PIGF: variants seen among roughly 807,000 people sequenced by gnomAD.
PIGF encodes phosphatidylinositol glycan anchor biosynthesis class F, also known as GPI ethanolamine phosphate transferase, stabilizing subunit.
PIGF carries 23 observed loss-of-function variants against 26.0 expected under a neutral mutation model. The ratio of observed to expected loss-of-function variants is 0.88; its 90% confidence interval spans 0.64 to 1.25. The LOEUF (loss-of-function observed/expected upper bound fraction) is 1.25, where lower values mean the gene tolerates loss of function less well. Among genes scored for constraint, PIGF ranks in the 50% most tolerant of loss-of-function variants. PIGF has a pLI of 0.00. For missense variants in PIGF, 278 were observed against 249.9 expected (o/e 1.11, Z -0.76); for synonymous variants, 93 against 92.6 (o/e 1.00, Z -0.03).
Position 46,592,003 on chromosome 2 carries a change from T to G in PIGF, c.546+472A>C, listed in dbSNP as rs1303092681. ...TATGAATATAAGACCACAAGGGCAA[T>G]AAATATCAAAGTTGAAAATAGGAAA... On this transcript the variant is annotated intron_variant, in intron 5 of 5. Transcript: ENST00000281382. The G allele has an allele frequency of 3.1e-6, 4 of 1,281,956 alleles. No homozygotes were observed. The Admixed American group carries it at 9.6e-5, about 31-fold the overall frequency. The allele number at this position is 1,281,956 out of a possible 1,614,324, so 79.4% of individuals were successfully genotyped here. A position where few individuals can be genotyped will look rare whatever the true frequency, so the allele number is the denominator to read the frequency against.
chr2:46,612,184 A>G (rs565181869), intron 4 of PIGF, 44 bp downstream of exon 4: 425 of 596,198 alleles, frequency 7.1e-4, no homozygotes, highest in Non-Finnish European at 1.0e-3. Flanking sequence ...TTCATTAATT[A>G]TTTTTTAATT....
chr2:46,584,799 T>G (rs1173484422), intron 5 of PIGF, among the ~76,000 whole-genome samples: 1 of 152,146 alleles, frequency 6.6e-6, no homozygotes, highest in East Asian at 1.9e-4. Flanking sequence ...TTAAGGGCCG[T>G]TTTCATGATT....
At chr2:46,587,566 T>C (rs1165149244) in intron 5 of PIGF, among the ~76,000 whole-genome samples, 2 of 152,210 alleles carry the variant, frequency 1.3e-5, no homozygotes, top group African/African-American at 4.8e-5. Flanking sequence ...GTGTCTAAAA[T>C]TCAAAATCTC....
chr2:46,615,367 A>C, intron 1 of PIGF, 182 bp from the exon 2 acceptor site: 1 of 447,486 alleles, frequency 2.2e-6, no homozygotes, highest in South Asian at 2.6e-5. Flanking sequence ...TCTACCTTTG[A>C]TTTTCTTAAT....
intron 1 of PIGF, 178 bp from the exon 2 acceptor site, chr2:46,615,363 T>C: frequency 2.2e-6 from 1 of 451,336 alleles, no homozygotes; most frequent in Non-Finnish European, 4.0e-6. Flanking sequence ...CTATTCTACC[T>C]TTGATTTTCT....
At chr2:46,615,324 C>G (rs73926525) in intron 1 of PIGF, 139 bp from the exon 2 acceptor site, 2 of 546,156 alleles carry the variant, frequency 3.7e-6, no homozygotes, top group Non-Finnish European at 6.6e-6. Flanking sequence ...AAGATGCAGA[C>G]GTGTAGATGC....
intron 5 of PIGF, chr2:46,591,854 G>GA: frequency 7.7e-7 from 1 of 1,303,054 alleles, no homozygotes; most frequent in Non-Finnish European, 1.0e-6. Flanking sequence ...GATACAAGAC[G>GA]AAAAATCTGA....
At chr2:46,590,975 G>A (rs1159222170) in intron 5 of PIGF, among the ~76,000 whole-genome samples, 1 of 152,174 alleles carries the variant, frequency 6.6e-6, no homozygotes, top group Non-Finnish European at 1.5e-5. Flanking sequence ...TTATGTGCAA[G>A]GCACACAATC....
intron 4 of PIGF, among the ~76,000 whole-genome samples, chr2:46,601,500 G>T (rs138460992): frequency 4.3e-4 from 66 of 152,146 alleles, no homozygotes; most frequent in African/African-American, 1.4e-3. Flanking sequence ...TGTTTAAATA[G>T]ATTTAATTTT....
chr2:46,616,372 C>T (rs1670628192), intron 1 of PIGF: 1 of 152,392 alleles, frequency 6.6e-6, no homozygotes, highest in Non-Finnish European at 1.5e-5. Context: ...AACAGATAGC[C>T]CTTCAGCGAT....
intron 4 of PIGF, among the ~76,000 whole-genome samples, chr2:46,593,664 T>C (rs3768724): frequency 0.18 from 27,235 of 152,032 alleles, 4,143 homozygotes; most frequent in African/African-American, 0.42. Context: ...CTTCATCATG[T>C]AGAACAGGAG....
chr2:46,589,305 C>T lies in PIGF; in HGVS notation c.546+3170G>A, dbSNP rs193074365. Among the ~76,000 whole-genome samples, 1 of 152,082 alleles carries T rather than the reference C, an allele frequency of 6.6e-6. No homozygotes were observed. On this transcript the variant is annotated intron_variant, in intron 5 of 5. Transcript: ENST00000281382. The surrounding 1 kb of genome is among the most constrained non-coding windows in gnomAD (Gnocchi z 4.7). The stretch of plus-strand genomic sequence containing the variant: ...TTAAAAAACTTTTACATTGAGATCA[C>T]ATATTTTCAGTGGGCCTTTCCAGTC...
chr2:46,594,511 G>A (rs1006152812), intron 4 of PIGF, among the ~76,000 whole-genome samples: 1 of 150,676 alleles, frequency 6.6e-6, no homozygotes, highest in African/African-American at 2.5e-5. Context: ...GAGAAATAAG[G>A]CTGGAAAAGT....
intron 4 of PIGF, among the ~76,000 whole-genome samples, chr2:46,602,195 G>C (rs1670081493): frequency 6.6e-6 from 1 of 151,810 alleles, no homozygotes; most frequent in South Asian, 2.1e-4. Flanking sequence ...GTATTCTTTT[G>C]TTTTGTTTTC....
At chr2:46,613,641 T>C (rs1357760847) in intron 3 of PIGF, 53 bp downstream of exon 3, 5 of 1,331,216 alleles carry the variant, frequency 3.8e-6, no homozygotes, top group Admixed American at 6.0e-5. Context: ...AGCACACAGT[T>C]TGGTAAATGA....
intron 1 of PIGF, 171 bp downstream of exon 1, chr2:46,616,799 A>C: frequency 5.2e-6 from 1 of 190,950 alleles, no homozygotes. Flanking sequence ...CAGAGGCGAA[A>C]ACTCGGATCC....
At chr2:46,582,681 C>T (rs1669439213) in intron 5 of PIGF, 1 of 152,532 alleles carries the variant, frequency 6.6e-6, no homozygotes, top group Admixed American at 6.5e-5. Context: ...GAGCTTATAG[C>T]TATGTCTACT....
chr2:46,596,322 C>T (rs2104092189), intron 4 of PIGF, among the ~76,000 whole-genome samples: 1 of 151,974 alleles, frequency 6.6e-6, no homozygotes, highest in African/African-American at 2.4e-5. Flanking sequence ...GGTTCCAGCA[C>T]ACTTGTGGCC....
chr2:46,588,199 T>TG lies in PIGF; in HGVS notation c.546+4275dup. On this transcript the variant is annotated intron_variant, in intron 5 of 5. Coordinates refer to ENST00000281382, the MANE Select transcript of PIGF (RefSeq NM_002643.4). This position sits in a 1 kb window ranked among gnomAD's most constrained non-coding sequence, Gnocchi z 4.1. ...TGTCATCTGAAATGTCAGACAGGAT[T>TG]GAAAATTATGTGAAATCCAAATACC... The TG allele has an allele frequency of 1.9e-6, 3 of 1,609,534 alleles. No homozygotes were observed. The highest frequency in any genetic ancestry group is 2.5e-6 in the Non-Finnish European group (3 of 1,178,332).
Sources: gnomAD v4.1 joint callset for allele counts (sites outside exome capture counted in the v4.1 genomes callset) on GRCh38, gnomAD v4.1.1 for gene constraint, Gnocchi (gnomAD v3.1) non-coding constraint, MANE v1.5 for transcripts, NCBI Gene and HGNC (gene_info 2026-07-23, HGNC 2026-07-21) for gene names.